DNAH17: variants seen among roughly 807,000 people sequenced by gnomAD.
DNAH17 encodes the protein axonemal beta dynein heavy chain 17.
DNAH17 carries 376 observed loss-of-function variants against 485.6 expected under a neutral mutation model. The ratio of observed to expected loss-of-function variants is 0.77; its 90% CI spans 0.71 to 0.84. The LOEUF is 0.84. Among genes scored for constraint, DNAH17 ranks in the 40% least tolerant of loss-of-function variants. The pLI is 0.00. For synonymous variants in DNAH17, 3,031 were observed against 2,405.9 expected (o/e 1.26, Z -7.60); for missense variants, 6,370 against 5,839.3 (o/e 1.09, Z -2.96).
Position 78,495,865 on chromosome 17 carries a change from G to A in DNAH17, c.5903+10C>T, listed in dbSNP as rs569845764. On this transcript the variant is annotated intron_variant, in intron 38 of 80. Coordinates refer to ENST00000389840, the MANE Select transcript of DNAH17 (RefSeq NM_173628.4). The stretch of plus-strand genomic sequence containing the variant: ...CACTGCAGCCACTCACTTTCACCTG[G>A]GCCACGTACCTGAATAAGGCTTTTA... 3 of 1,608,418 alleles carry A rather than the reference G, an allele frequency of 1.9e-6. No individual in the cohort carries two copies. Among genetic ancestry groups the A allele is most frequent in the South Asian group, 2.2e-5 (2 of 90,638 alleles).
At chr17:78,561,275 A>C (rs546558606) in intron 12 of DNAH17, among the ~76,000 whole-genome samples, 2 of 142,416 alleles carry the variant, frequency 1.4e-5, no homozygotes, top group African/African-American at 2.6e-5. Context: ...TACGCCCCCC[A>C]AACAACCACA....
chr17:78,537,467 G>T lies in DNAH17; in HGVS notation c.2691C>A (p.Pro897=), dbSNP rs751153814. 2 of 1,613,342 alleles carry T rather than the reference G, an allele frequency of 1.2e-6. No individual in the cohort carries two copies. The highest frequency in any genetic ancestry group is 8.5e-7 in the Non-Finnish European group (1 of 1,179,846). ...DNMVIDESIA[P]LFEIRMELDE... is the part of the protein sequence containing the mutation. Reference sequence around the variant, plus strand: ...CCAGCTCCATGCGGATCTCAAACAGGGGAGCGATACTCTCCTGAAAGAGGG... The same window carrying T: ...CCAGCTCCATGCGGATCTCAAACAGTGGAGCGATACTCTCCTGAAAGAGGG... The change falls in exon 19 of 81, where the codon CCC becomes CCA. Residue 897 remains proline, a synonymous_variant. Coordinates refer to ENST00000389840, the MANE Select transcript of DNAH17 (RefSeq NM_173628.4).
At chr17:78,530,549 G>A (rs370908858) in intron 20 of DNAH17, 37 bp from the exon 21 acceptor site, 374 of 1,575,488 alleles carry the variant, frequency 2.4e-4, no homozygotes, top group Non-Finnish European at 3.0e-4. Context: ...GTCATAGCCT[G>A]CAAGCCTAGG....
chr17:78,544,056 G>A, intron 16 of DNAH17, 59 bp from the exon 17 acceptor site: 1 of 1,607,788 alleles, frequency 6.2e-7, no homozygotes, highest in Non-Finnish European at 8.5e-7. Context: ...TTCAGTCGCA[G>A]TCCTTTGCTG....
chr17:78,498,511 G>C (rs890727345), intron 37 of DNAH17, among the ~76,000 whole-genome samples: 1 of 152,204 alleles, frequency 6.6e-6, no homozygotes, highest in Non-Finnish European at 1.5e-5. Flanking sequence ...GGGGTGGGGC[G>C]CTGGCCCAGG....
At chr17:78,462,472 G>A (rs1465079981) in intron 57 of DNAH17, among the ~76,000 whole-genome samples, 1 of 152,156 alleles carries the variant, frequency 6.6e-6, no homozygotes, top group Non-Finnish European at 1.5e-5. Flanking sequence ...GTGGAGGAAA[G>A]GATCCAGGGA....
intron 71 of DNAH17, among the ~76,000 whole-genome samples, chr17:78,443,142 G>A (rs1470682842): frequency 1.3e-5 from 2 of 152,204 alleles, no homozygotes; most frequent in Non-Finnish European, 2.9e-5. Context: ...GGTGGCCAGA[G>A]TGCAGTCACA....
chr17:78,529,719 G>A (rs1355767939), intron 21 of DNAH17, 25 bp from the exon 22 acceptor site: 3 of 1,610,766 alleles, frequency 1.9e-6, no homozygotes, highest in Non-Finnish European at 1.7e-6. Context: ...GACCATTTGT[G>A]TGGCCCCAGC....
chr17:78,462,123 G>A (rs1237302554), intron 57 of DNAH17, among the ~76,000 whole-genome samples: 3 of 152,078 alleles, frequency 2.0e-5, no homozygotes, highest in Non-Finnish European at 4.4e-5. Flanking sequence ...AGTGAGCCAC[G>A]ATCGCACCAC....
At chr17:78,557,692 A>C (rs565867608) in intron 14 of DNAH17, among the ~76,000 whole-genome samples, 69 of 130,010 alleles carry the variant, frequency 5.3e-4, no homozygotes, top group Non-Finnish European at 8.4e-4. Context: ...CAGTGGGAAT[A>C]AGATATTCAT....
chr17:78,463,704 G>C (rs1049801245), intron 56 of DNAH17, among the ~76,000 whole-genome samples: 5 of 152,252 alleles, frequency 3.3e-5, no homozygotes, highest in South Asian at 4.1e-4. Flanking sequence ...TCATTACCAA[G>C]GCTGGGTCCT....
intron 25 of DNAH17, chr17:78,522,497 G>T: frequency 3.0e-6 from 1 of 337,704 alleles, no homozygotes; most frequent in Non-Finnish European, 6.0e-6. Context: ...AAGGAGAAAG[G>T]GGCCTCACGA....
intron 69 of DNAH17, 69 bp from the exon 70 acceptor site, chr17:78,445,749 C>A: frequency 1.3e-6 from 2 of 1,525,924 alleles, no homozygotes; most frequent in Non-Finnish European, 1.8e-6. Flanking sequence ...AAGATGCGCG[C>A]TGGACTCGAA....
In DNAH17 at chr17:78,514,511, A is replaced by AG. The variant is rs1436409125; in HGVS notation, c.4113+262_4113+263insC. On this transcript the variant is annotated intron_variant, in intron 26 of 80. Coordinates refer to ENST00000389840, the MANE Select transcript of DNAH17 (RefSeq NM_173628.4). The stretch of plus-strand genomic sequence containing the variant: ...AGAACTAGACTCCGTCTCAAAAAAA[A>AG]AAAAAAAAAAAGAAAAAGAAAATTA... 4.4e-4 allele frequency among the ~76,000 whole-genome samples: 48 copies of AG among 109,310 alleles called. No individual in the cohort carries two copies. The East Asian group carries it at 0.01, about 24-fold the overall frequency. The allele number at this position is 109,310 out of a possible 152,430, so 71.7% of individuals were successfully genotyped here.
chr17:78,450,460 A>G (rs1319370245), intron 67 of DNAH17, 66 bp from the exon 68 acceptor site: 12 of 1,587,532 alleles, frequency 7.6e-6, no homozygotes, highest in Non-Finnish European at 1.0e-5. Context: ...AGGTGGGCTC[A>G]TTCCCAGCCA....
chr17:78,486,986 CTTT>C lies in DNAH17; in HGVS notation c.6819-483_6819-481del, dbSNP rs200078316. 3.3e-3 allele frequency among the ~76,000 whole-genome samples: 425 copies of C among 128,560 alleles called. 1 individual carries two copies. Among genetic ancestry groups the C allele is most frequent in the East Asian group, 8.7e-3 (37 of 4,250 alleles). The allele number at this position is 128,560 out of a possible 152,430, so 84.3% of individuals were successfully genotyped here. On this transcript the variant is annotated intron_variant, in intron 44 of 80. Transcript: ENST00000389840. ...GCCATGCCTGAAGCACCCCTTGGTG[CTTT>C]TTTTTTTTTTTTTTTTTTAAGCTTC...
At chr17:78,564,431 G>A (rs1487437015) in intron 11 of DNAH17, among the ~76,000 whole-genome samples, 1 of 152,142 alleles carries the variant, frequency 6.6e-6, no homozygotes, top group Non-Finnish European at 1.5e-5. Context: ...TGGAGCCAGT[G>A]TTAGGGGTGC....
rs1184733686 is a variant in DNAH17, at chr17:78,526,921, T to C, written c.3583A>G (p.Asn1195Asp). The C allele has an allele frequency of 1.3e-6, 2 of 1,585,312 alleles. No individual in the cohort carries two copies. The highest frequency in any genetic ancestry group is 1.8e-5 in the Admixed American group (1 of 55,370). ...VKLTVAPLQANEVSILRRKCQ... is the reference protein window; with the variant it reads ...VKLTVAPLQADEVSILRRKCQ... ...TTCCGCCGCAGGATGCTGACCTCGT[T>C]GGCCTGGAGTGGTGCCACGGTCAGC... The change falls in exon 23 of 81, where the codon AAC becomes GAC. Residue 1195 changes from asparagine to aspartate, a missense_variant. Physicochemically the swap from Asn to Asp is conservative, Grantham distance 23. Transcript: ENST00000389840.
intron 19 of DNAH17, among the ~76,000 whole-genome samples, chr17:78,536,582 G>C (rs941884435): frequency 3.9e-4 from 59 of 152,270 alleles, no homozygotes; most frequent in African/African-American, 1.4e-3. Flanking sequence ...TTGGGAGACT[G>C]AGGCGGGAGG....
Sources: gnomAD v4.1 joint callset for allele counts (sites outside exome capture counted in the v4.1 genomes callset) on GRCh38, gnomAD v4.1.1 for gene constraint, MANE v1.5 for transcripts, NCBI Gene and HGNC (gene_info 2026-07-23, HGNC 2026-07-21) for gene names.